Variants in S1PR5 observed in about 807,000 individuals in gnomAD.
S1PR5 encodes the protein sphingosine-1-phosphate receptor 5, also known as sphingosine 1-phosphate receptor 5.
For missense variants in S1PR5, 583 were observed against 571.7 expected (o/e 1.02, Z -0.20); for synonymous variants, 307 against 284.7 (o/e 1.08, Z -0.79).
intron 1 of S1PR5, 143 bp downstream of exon 1, chr19:10,517,255 C>T (rs552698425): frequency 5.5e-6 from 3 of 549,088 alleles, no homozygotes; most frequent in East Asian, 1.5e-4. Context: ...GCTTCCCCCT[C>T]CCCAGAGGCC....
In S1PR5 at chr19:10,515,021, G is replaced by C. The variant is rs1206920937; in HGVS notation, c.-10C>G. 6.5e-7 allele frequency: 1 copy of C among 1,536,400 alleles called. No homozygotes were observed. Among genetic ancestry groups the C allele is most frequent in the Middle Eastern group, 2.4e-4 (1 of 4,214 alleles). On this transcript the variant is annotated 5_prime_UTR_variant, in exon 2 of 2. Transcript: ENST00000333430. ...GCAGCCCCGACTCCATGGGCCGCGCGCCCCAAGGCTGTTGGAGAGGCAAGA... is the reference window on the plus strand; with the variant it reads ...GCAGCCCCGACTCCATGGGCCGCGCCCCCCAAGGCTGTTGGAGAGGCAAGA...
chr19:10,515,889 G>T (rs974651477), intron 1 of S1PR5, among the ~76,000 whole-genome samples: 1 of 151,832 alleles, frequency 6.6e-6, no homozygotes, highest in African/African-American at 2.4e-5. Flanking sequence ...CATTGATTGT[G>T]CCACTGTACT....
At chr19:10,516,881 T>C (rs1915449842) in intron 1 of S1PR5, among the ~76,000 whole-genome samples, 1 of 152,100 alleles carries the variant, frequency 6.6e-6, no homozygotes, top group East Asian at 1.9e-4. Context: ...CAAACATCCA[T>C]GCACAAATAG....
In S1PR5 at chr19:10,513,395, A is replaced by C; in HGVS notation, c.*420T>G. 2.3e-6 allele frequency: 1 copy of C among 435,844 alleles called. No homozygotes were observed. The highest frequency in any genetic ancestry group is 4.0e-6 in the Non-Finnish European group (1 of 249,682). The allele number at this position is 435,844 out of a possible 1,614,324, so 27.0% of individuals were successfully genotyped here. A position where few individuals can be genotyped will look rare whatever the true frequency, so the allele number is the denominator to read the frequency against. ...CCGTCCCTGCTCCAGGCACACCAGC[A>C]TCGCTGCATTTCTTAGAACACATGG... On this transcript the variant is annotated 3_prime_UTR_variant, in exon 2 of 2. Transcript: ENST00000333430.
rs1915351638 is a variant in S1PR5 at position 10,513,983 on chromosome 19, C to G, written c.1029G>C (p.Glu343Asp). The G allele has an allele frequency of 6.2e-7, 1 of 1,600,976 alleles. No individual in the cohort carries two copies. Among genetic ancestry groups the G allele is most frequent in the Non-Finnish European group, 8.5e-7 (1 of 1,175,140 alleles). The change falls in exon 2 of 2, where the codon GAG becomes GAC. Residue 343 changes from glutamate to aspartate, a missense_variant. Coordinates refer to ENST00000333430, the MANE Select transcript of S1PR5 (RefSeq NM_030760.5). ...SGSQQSASAA[E>D]ASGGLRRCLP... The stretch of plus-strand genomic sequence containing the variant: ...GGCAGCGGCGCAGGCCCCCGGAAGC[C>G]TCAGCCGCGCTCGCCGACTGCTGGG...
At chr19:10,515,144 G>T in intron 1 of S1PR5, 115 bp from the exon 2 acceptor site, 1 of 1,346,312 alleles carries the variant, frequency 7.4e-7, no homozygotes, top group Non-Finnish European at 9.9e-7. Flanking sequence ...CCTATACATG[G>T]TGTCCAAGGG....
At position 10,513,668 on chromosome 19, in the gene S1PR5, G is replaced by T; in HGVS notation, c.*147C>A. On this transcript the variant is annotated 3_prime_UTR_variant, in exon 2 of 2. Transcript: ENST00000333430. Reference sequence around the variant, plus strand: ...CCACGAGGGCACAGATTTTTTGTCTGTTTGTTCACATTGTGGGGTGTCGCT... The same window carrying T: ...CCACGAGGGCACAGATTTTTTGTCTTTTTGTTCACATTGTGGGGTGTCGCT... 2 of 1,164,274 alleles carry T rather than the reference G, an allele frequency of 1.7e-6. No individual in the cohort carries two copies. The highest frequency in any genetic ancestry group is 2.4e-6 in the Non-Finnish European group (2 of 839,168). The allele number at this position is 1,164,274 out of a possible 1,614,324, so 72.1% of individuals were successfully genotyped here. A position where few individuals can be genotyped will look rare whatever the true frequency, so the allele number is the denominator to read the frequency against.
chr19:10,515,994 C>T (rs535122568), intron 1 of S1PR5, among the ~76,000 whole-genome samples: 13 of 152,132 alleles, frequency 8.5e-5, no homozygotes, highest in Non-Finnish European at 8.8e-5. Flanking sequence ...ACACACAGAA[C>T]GCACACAAAC....
rs1367860414 is a variant in S1PR5, at chr19:10,514,276, A to AGC, written c.734_735dup (p.Ser246AlafsTer57). On this transcript the variant is annotated frameshift_variant, in exon 2 of 2. Coordinates refer to ENST00000333430, the MANE Select transcript of S1PR5 (RefSeq NM_030760.5). LOFTEE classifies it low-confidence loss of function (END_TRUNC). ...CTGAGCGTGCGCAGCAAGGCCAGCG[A>AGC]GCGCGGCTTGCGACGCGCCCGGGTC... 4.4e-6 allele frequency: 7 copies of AGC among 1,579,018 alleles called. No individual in the cohort carries two copies. Among genetic ancestry groups the AGC allele is most frequent in the Non-Finnish European group, 6.0e-6 (7 of 1,163,248 alleles).
At chr19:10,516,278 C>A (rs904280055) in intron 1 of S1PR5, among the ~76,000 whole-genome samples, 4 of 152,170 alleles carry the variant, frequency 2.6e-5, no homozygotes, top group Non-Finnish European at 5.9e-5. Context: ...TTTTTCCTGC[C>A]AAAACCCCCT....
chr19:10,514,670 G>A lies in S1PR5; in HGVS notation c.342C>T (p.Gly114=). 2 of 1,607,298 alleles carry A rather than the reference G, an allele frequency of 1.2e-6. No homozygotes were observed. The highest frequency in any genetic ancestry group is 1.3e-5 in the African/African-American group (1 of 75,010). The change falls in exon 2 of 2, where the codon GGC becomes GGT. Residue 114 remains glycine (G), a synonymous_variant. Transcript: ENST00000333430. ...CGGACGCAGTGAGTGCCACGAAGAC[G>A]CCTCCCTCCCGTGCGAACCAGAGCG... is the stretch of plus-strand genomic sequence containing the variant. ...SPALWFAREG[G]VFVALTASVL... is the part of the protein sequence containing the mutation.
rs757482824 is a variant in S1PR5 at position 10,513,791 on chromosome 19, G to C, written c.*24C>G. ...AAAAGAACAAGTCTGTAAAACTTGG[G>C]AAGACAGTCGTGGGCCGAGGGTGTC... On this transcript the variant is annotated 3_prime_UTR_variant, in exon 2 of 2. Transcript: ENST00000333430. 6.2e-7 allele frequency: 1 copy of C among 1,603,994 alleles called. No homozygotes were observed. Among genetic ancestry groups the C allele is most frequent in the African/African-American group, 1.3e-5 (1 of 74,248 alleles).
Position 10,513,850 on chromosome 19 carries a change from C to A in S1PR5, c.1162G>T (p.Ala388Ser), listed in dbSNP as rs1394898768. Reference sequence around the variant, plus strand: ...GCCGGTTCTGATACCAGAGTCCGGGCGGCTGTGGGTGCACCGGGGCTGCCT... The same window carrying A: ...GCCGGTTCTGATACCAGAGTCCGGGAGGCTGTGGGTGCACCGGGGCTGCCT... ...STGSPGAPTAARTLVSEPAAD is the reference protein window; with the variant it reads ...STGSPGAPTASRTLVSEPAAD The change falls in exon 2 of 2, where the codon GCC (alanine) becomes TCC (serine). Residue 388 changes from alanine (A) to serine (S), a missense_variant. By Grantham distance (99) the Ala-to-Ser change is moderately conservative (BLOSUM62 1). Coordinates refer to ENST00000333430, the MANE Select transcript of S1PR5 (RefSeq NM_030760.5). The A allele has an allele frequency of 3.1e-6, 5 of 1,612,214 alleles. No homozygotes were observed. The highest frequency in any genetic ancestry group is 2.7e-5 in the African/African-American group (2 of 74,828).
In S1PR5 at chr19:10,514,458, A is replaced by G. The variant is rs1915376744; in HGVS notation, c.554T>C (p.Val185Ala). 7 of 1,609,198 alleles carry G rather than the reference A, an allele frequency of 4.3e-6. No homozygotes were observed. The highest frequency in any genetic ancestry group is 5.9e-6 in the Non-Finnish European group (7 of 1,178,278). The part of the protein sequence containing the change: ...CLGRLDACST[V>A]LPLYAKAYVL... ...GTAGGCCTTGGCGTAGAGCGGCAAG[A>G]CAGTGGAGCAAGCGTCCAGGCGACC... The change falls in exon 2 of 2, where the codon GTC (valine) becomes GCC (alanine). Residue 185 changes from valine (V) to alanine (A), a missense_variant. By Grantham distance (64) the Val-to-Ala change is moderately conservative (BLOSUM62 0). Coordinates refer to ENST00000333430, the MANE Select transcript of S1PR5 (RefSeq NM_030760.5).
chr19:10,516,602 C>T (rs1424328171), intron 1 of S1PR5, among the ~76,000 whole-genome samples: 1 of 96,114 alleles, frequency 1.0e-5, no homozygotes, highest in Non-Finnish European at 2.1e-5. Context: ...AGAGAAACTC[C>T]GTCTCAAAAA....
In S1PR5 at chr19:10,514,946, G is replaced by C. The variant is rs1411335564; in HGVS notation, c.66C>G (p.Thr22=). 4 of 1,605,416 alleles carry C rather than the reference G, an allele frequency of 2.5e-6. No individual in the cohort carries two copies. Among genetic ancestry groups the C allele is most frequent in the Non-Finnish European group, 3.4e-6 (4 of 1,177,874 alleles). ...GGTAGCGCGCACCGCGGAGCTTGCC[G>C]GTGTAGTTGTAATGCAGGACGATGA... is the stretch of plus-strand genomic sequence containing the variant. ...SEVIVLHYNY[T]GKLRGARYQP... The change falls in exon 2 of 2, where the codon ACC becomes ACG. Residue 22 remains threonine (T), a synonymous_variant. Transcript: ENST00000333430.
upstream of S1PR5, chr19:10,517,493 G>C: frequency 1.0e-6 from 1 of 985,632 alleles, no homozygotes; most frequent in Non-Finnish European, 1.2e-6. Flanking sequence ...GCAGGCGAGG[G>C]GGCGGGCCAG....
chr19:10,517,166 G>T (rs905910470), intron 1 of S1PR5: 17 of 162,948 alleles, frequency 1.0e-4, no homozygotes, highest in Non-Finnish European at 2.2e-4. Flanking sequence ...GCAGTGGCCC[G>T]GCCAGGAGGG....
In S1PR5 at chr19:10,513,945, A is replaced by G. The variant is rs1463409034; in HGVS notation, c.1067T>C (p.Leu356Pro). Residue 356 changes from leucine to proline, a missense_variant, in exon 2 of 2, where the codon CTT (leucine) becomes CCT (proline). Physicochemically the swap from Leu to Pro is moderately conservative, Grantham distance 98. Coordinates refer to ENST00000333430, the MANE Select transcript of S1PR5 (RefSeq NM_030760.5). Reference protein sequence around the residue: ...GGLRRCLPPGLDGSFSGSERS... With the variant: ...GGLRRCLPPGPDGSFSGSERS... ...CTCCGAGCCGCTGAAGCTCCCATCA[A>G]GGCCCGGGGGCAGGCAGCGGCGCAG... is the stretch of plus-strand genomic sequence containing the variant. 3 of 1,602,474 alleles carry G rather than the reference A, an allele frequency of 1.9e-6. No individual in the cohort carries two copies. Among genetic ancestry groups the G allele is most frequent in the Middle Eastern group, 1.9e-4 (1 of 5,300 alleles).
Sources: allele counts gnomAD v4.1 joint callset (sites outside exome capture counted in the v4.1 genomes callset), GRCh38; gene constraint gnomAD v4.1.1; transcripts MANE v1.5; gene names NCBI Gene and HGNC (gene_info 2026-07-23, HGNC 2026-07-21).